UBAC2: variants seen among roughly 807,000 people sequenced by gnomAD.
The protein encoded by UBAC2 is UBA domain containing 2.
Under a neutral mutation model 44.0 loss-of-function variants are expected in UBAC2, and 26 were observed. The observed-to-expected ratio is 0.59, with a 90% CI of 0.43 to 0.82. UBAC2 has a LOEUF of 0.82. Ranked by LOEUF, UBAC2 falls within the 40% of genes least tolerant of loss-of-function variation. UBAC2 has a pLI of 0.00. For synonymous variants in UBAC2, 155 were observed against 154.3 expected (o/e 1.00, Z -0.04); for missense variants, 329 against 419.4 (o/e 0.78, Z 1.88).
intron 4 of UBAC2, among the ~76,000 whole-genome samples, chr13:99,281,017 C>G (rs1415181175): frequency 2.0e-5 from 3 of 152,062 alleles, no homozygotes; most frequent in Non-Finnish European, 4.4e-5. Flanking sequence ...GAAACTCCAT[C>G]TCTGCTAAAA....
intron 6 of UBAC2, among the ~76,000 whole-genome samples, chr13:99,323,274 G>T (rs2044593586): frequency 6.6e-6 from 1 of 152,054 alleles, no homozygotes; most frequent in Non-Finnish European, 1.5e-5. Flanking sequence ...TTTTCTAGTA[G>T]TTCATTGAAA....
chr13:99,266,926 T>C (rs1050504724), intron 4 of UBAC2, among the ~76,000 whole-genome samples: 5 of 152,190 alleles, frequency 3.3e-5, no homozygotes, highest in African/African-American at 1.2e-4. Flanking sequence ...TTTTAGTTTG[T>C]TGGGGAATGG....
intron 4 of UBAC2, among the ~76,000 whole-genome samples, chr13:99,256,137 G>A (rs181476087): frequency 2.0e-4 from 30 of 152,186 alleles, no homozygotes; most frequent in Admixed American, 1.4e-3. Flanking sequence ...CATGTAATAG[G>A]TACTCAATAA....
intron 4 of UBAC2, among the ~76,000 whole-genome samples, chr13:99,253,073 A>G (rs895354665): frequency 6.6e-6 from 1 of 150,496 alleles, no homozygotes; most frequent in South Asian, 2.1e-4. Context: ...TGTTAAATAT[A>G]TGTAAGATAT....
At chr13:99,208,041 A>C (rs2042894273) in intron 1 of UBAC2, among the ~76,000 whole-genome samples, 1 of 130,056 alleles carries the variant, frequency 7.7e-6, no homozygotes, top group Non-Finnish European at 1.5e-5. Flanking sequence ...CTTGTTGCCC[A>C]GGCTGGAGTG....
chr13:99,369,853 C>T (rs1431741637), intron 8 of UBAC2, among the ~76,000 whole-genome samples: 1 of 152,182 alleles, frequency 6.6e-6, no homozygotes, highest in Admixed American at 6.5e-5. Context: ...TATGCAGTTA[C>T]AATCAACATG....
At chr13:99,215,850 T>C (rs918734985) in intron 1 of UBAC2, 1 of 510,628 alleles carries the variant, frequency 2.0e-6, no homozygotes, top group Admixed American at 3.6e-5. Context: ...CGCACCGTGA[T>C]TCAAACTGCC....
At chr13:99,339,981 T>C (rs1315964518) in intron 6 of UBAC2, among the ~76,000 whole-genome samples, 1 of 152,238 alleles carries the variant, frequency 6.6e-6, no homozygotes, top group Non-Finnish European at 1.5e-5. Flanking sequence ...GTCAGTACAG[T>C]GTGAAAGTGT....
intron 8 of UBAC2, among the ~76,000 whole-genome samples, chr13:99,370,370 T>A (rs926415584): frequency 4.6e-5 from 7 of 152,236 alleles, no homozygotes; most frequent in African/African-American, 1.7e-4. Context: ...GAGTTCCAGG[T>A]ACTATTCTAG....
intron 1 of UBAC2, among the ~76,000 whole-genome samples, chr13:99,212,964 G>A (rs572798163): frequency 1.3e-5 from 2 of 152,310 alleles, no homozygotes; most frequent in African/African-American, 2.4e-5. Context: ...TTTATGTAGT[G>A]TAGAAGGGAT....
chr13:99,217,659 C>G (rs2043012476), intron 1 of UBAC2, among the ~76,000 whole-genome samples: 1 of 152,208 alleles, frequency 6.6e-6, no homozygotes, highest in African/African-American at 2.4e-5. Flanking sequence ...TGGGTGCCCA[C>G]CCCGCGGTGC....
At chr13:99,304,480 A>G (rs2044302097) in intron 4 of UBAC2, among the ~76,000 whole-genome samples, 1 of 152,126 alleles carries the variant, frequency 6.6e-6, no homozygotes, top group East Asian at 1.9e-4. Context: ...CTATGGTGTT[A>G]ATTTCTTGTA....
At chr13:99,285,003 T>G (rs527533820) in intron 4 of UBAC2, among the ~76,000 whole-genome samples, 20 of 152,234 alleles carry the variant, frequency 1.3e-4, no homozygotes, top group Non-Finnish European at 2.8e-4. Flanking sequence ...TGCTATCCTC[T>G]TTCCATTCCC....
In UBAC2 at chr13:99,386,485, A is replaced by C. The variant is rs1299422654; in HGVS notation, c.*1150A>C. The stretch of plus-strand genomic sequence containing the variant: ...AATAAAGCCTTGTTCCAGGCTATAC[A>C]TATTTACCAGTCAACCAAATCCTCC... On this transcript the variant is annotated 3_prime_UTR_variant, in exon 9 of 9. Transcript: ENST00000403766. 1.3e-5 allele frequency: 2 copies of C among 152,240 alleles called. No individual in the cohort carries two copies. The highest frequency in any genetic ancestry group is 2.9e-5 in the Non-Finnish European group (2 of 68,044). The allele number at this position is 152,240 out of a possible 1,614,324, so 9.4% of individuals were successfully genotyped here. A position where few individuals can be genotyped will look rare whatever the true frequency, so the allele number is the denominator to read the frequency against.
Position 99,340,417 on chromosome 13 carries a change from C to G in UBAC2, c.659C>G (p.Pro220Arg). The change falls in exon 7 of 9, where the codon CCC (proline) becomes CGC (arginine). Residue 220 changes from proline to arginine, a missense_variant. Coordinates refer to ENST00000403766, the MANE Select transcript of UBAC2 (RefSeq NM_001144072.2). ...MAKFFSWTLE[P>R]IFSSSEPTSE... ...AAATTCTTTTCTTGGACACTTGAACCCATCTTCTCTTCTTCAGAACCCACC... is the reference window on the plus strand; with the variant it reads ...AAATTCTTTTCTTGGACACTTGAACGCATCTTCTCTTCTTCAGAACCCACC... 1.9e-6 allele frequency: 3 copies of G among 1,614,166 alleles called. No individual in the cohort carries two copies. Among genetic ancestry groups the G allele is most frequent in the Non-Finnish European group, 2.5e-6 (3 of 1,180,036 alleles).
intron 4 of UBAC2, among the ~76,000 whole-genome samples, chr13:99,264,984 T>A (rs554781450): frequency 1.0e-3 from 151 of 151,298 alleles, no homozygotes; most frequent in African/African-American, 3.3e-3. Context: ...TTTTTTTTTT[T>A]AATTGTTCTT....
At position 99,340,329 on chromosome 13, in the gene UBAC2, C is replaced by T; in HGVS notation, c.571C>T (p.Leu191=). ...IVAISGLMSG[L]CYDSKMFQVH... ...GACGTTTTTCTTCTAGATGTCCGGT[C>T]TGTGCTACGACAGCAAAATGTTCCA... The change falls in exon 7 of 9, where the codon CTG becomes TTG. Residue 191 remains leucine, a synonymous_variant. Transcript: ENST00000403766. The T allele has an allele frequency of 6.2e-7, 1 of 1,613,584 alleles. No homozygotes were observed. Among genetic ancestry groups the T allele is most frequent in the Non-Finnish European group, 8.5e-7 (1 of 1,179,758 alleles).
At chr13:99,259,988 C>T (rs1422323701) in intron 4 of UBAC2, among the ~76,000 whole-genome samples, 1 of 152,218 alleles carries the variant, frequency 6.6e-6, no homozygotes, top group Non-Finnish European at 1.5e-5. Context: ...TGAGCTCTCA[C>T]TTTTTCCTCA....
intron 1 of UBAC2, among the ~76,000 whole-genome samples, chr13:99,210,574 T>A (rs1413076328): frequency 6.6e-6 from 1 of 151,156 alleles, no homozygotes; most frequent in Non-Finnish European, 1.5e-5. Context: ...GCCTCCTGGG[T>A]TCAAGTGATT....
Sources: gnomAD v4.1 joint callset for allele counts (sites outside exome capture counted in the v4.1 genomes callset) on GRCh38, gnomAD v4.1.1 for gene constraint, MANE v1.5 for transcripts, NCBI Gene and HGNC (gene_info 2026-07-23, HGNC 2026-07-21) for gene names.